The following CNTNAP5 variants were observed in gnomAD, a reference collection of about 807,000 sequenced individuals.
The protein encoded by CNTNAP5 is contactin-associated protein-like 5.
CNTNAP5 carries 72 observed loss-of-function variants against 150.2 expected under a neutral mutation model. That is an observed-to-expected ratio of 0.48 (90% CI 0.40 to 0.58). The LOEUF is 0.58. Ranked by LOEUF, CNTNAP5 falls within the 20% of genes least tolerant of loss-of-function variation. The pLI, the probability that CNTNAP5 is intolerant of heterozygous loss-of-function variation, is 0.00. For missense variants in CNTNAP5, 1,636 were observed against 1,626.2 expected (o/e 1.01, Z -0.10); for synonymous variants, 672 against 619.8 (o/e 1.08, Z -1.25).
At chr2:124,674,556 T>TTTCTTCCC in intron 13 of CNTNAP5, among the ~76,000 whole-genome samples, 1 of 148,360 alleles carries the variant, frequency 6.7e-6, no homozygotes, top group Admixed American at 7.1e-5. Context: ...TCTTTCTTCC[T>TTTCTTCCC]TTCTTCCTTT....
At chr2:124,431,373 G>A (rs1375014213) in intron 4 of CNTNAP5, among the ~76,000 whole-genome samples, 4 of 151,800 alleles carry the variant, frequency 2.6e-5, no homozygotes, top group African/African-American at 7.3e-5. Flanking sequence ...CCTGCATGAG[G>A]GGTCCAGGCA....
intron 3 of CNTNAP5, among the ~76,000 whole-genome samples, chr2:124,261,272 C>G (rs911877845): frequency 6.6e-6 from 1 of 152,132 alleles, no homozygotes; most frequent in Non-Finnish European, 1.5e-5. Context: ...AATATCCTCC[C>G]TACATAAAAC....
intron 8 of CNTNAP5, among the ~76,000 whole-genome samples, chr2:124,519,518 C>A (rs866808671): frequency 5.9e-5 from 9 of 152,172 alleles, no homozygotes; most frequent in African/African-American, 2.2e-4. Context: ...CTCCAGTACC[C>A]ACACTTCCCT....
intron 13 of CNTNAP5, among the ~76,000 whole-genome samples, chr2:124,743,717 G>A (rs1680549176): frequency 6.6e-6 from 1 of 152,214 alleles, no homozygotes; most frequent in African/African-American, 2.4e-5. Context: ...AACAGGCAGA[G>A]TGAATTCTTA....
chr2:124,123,558 G>A (rs1413723069), intron 1 of CNTNAP5, among the ~76,000 whole-genome samples: 1 of 152,116 alleles, frequency 6.6e-6, no homozygotes, highest in Admixed American at 6.6e-5. Context: ...GAGAGTAGTG[G>A]TTCTCCCAAC....
intron 4 of CNTNAP5, among the ~76,000 whole-genome samples, chr2:124,432,401 C>T (rs753972671): frequency 1.8e-4 from 27 of 152,262 alleles, no homozygotes; most frequent in South Asian, 2.1e-4. Context: ...CCTCCTTTCC[C>T]TGGGGTAACT....
At chr2:124,520,904 A>C (rs765085041) in intron 8 of CNTNAP5, among the ~76,000 whole-genome samples, 1 of 152,168 alleles carries the variant, frequency 6.6e-6, no homozygotes, top group Non-Finnish European at 1.5e-5. Context: ...TACCTTTAAG[A>C]GAGTATTTTT....
chr2:124,858,997 G>A (rs1464569208), intron 19 of CNTNAP5, among the ~76,000 whole-genome samples: 1 of 152,048 alleles, frequency 6.6e-6, no homozygotes, highest in African/African-American at 2.4e-5. Context: ...CATAGGCATG[G>A]GCAAGGGCTT....
intron 3 of CNTNAP5, among the ~76,000 whole-genome samples, chr2:124,339,406 T>A (rs1558857787): frequency 6.6e-6 from 1 of 152,032 alleles, no homozygotes; most frequent in Non-Finnish European, 1.5e-5. Flanking sequence ...GTGTTACAAG[T>A]TTGTTGACTA....
chr2:124,579,443 G>GT (rs1175537270), intron 11 of CNTNAP5, among the ~76,000 whole-genome samples: 2 of 152,180 alleles, frequency 1.3e-5, no homozygotes, highest in Non-Finnish European at 2.9e-5. Context: ...ATCACATCAG[G>GT]TATTATAGAG....
intron 13 of CNTNAP5, among the ~76,000 whole-genome samples, chr2:124,658,042 T>C (rs551219494): frequency 6.6e-6 from 1 of 152,336 alleles, no homozygotes; most frequent in African/African-American, 2.4e-5. Context: ...ATTCCCAAAA[T>C]GCTTAGAATA....
chr2:124,786,431 G>GAAAGAAAGAAAGA (rs1558775184), intron 17 of CNTNAP5, among the ~76,000 whole-genome samples: 1 of 113,476 alleles, frequency 8.8e-6, no homozygotes, highest in African/African-American at 4.1e-5. Context: ...AGGAAGGAAG[G>GAAAGAAAGAAAGA]AAGGAAGGAA....
In CNTNAP5 at chr2:124,551,481, G is replaced by A. The variant is rs1410323018; in HGVS notation, c.1650-11736G>A. On this transcript the variant is annotated intron_variant, in intron 10 of 23. Transcript: ENST00000682447. ...ATCTGACCAAAACGAGATCAATGCG[G>A]TTGGCTGCTAATTAAAGCAAACAGA... Among the ~76,000 whole-genome samples the A allele has an allele frequency of 4.6e-5, 7 of 152,160 alleles. No homozygotes were observed. The South Asian group carries it at 8.3e-4, about 18-fold the overall frequency.
intron 12 of CNTNAP5, 53 bp from the exon 13 acceptor site, chr2:124,647,705 A>G (rs1573520699): frequency 4.6e-6 from 7 of 1,508,434 alleles, no homozygotes; most frequent in Non-Finnish European, 6.3e-6. Flanking sequence ...CACATGCTCC[A>G]TTTTTGACAT....
chr2:124,382,055 G>C (rs955085673), intron 3 of CNTNAP5, among the ~76,000 whole-genome samples: 1 of 152,162 alleles, frequency 6.6e-6, no homozygotes, highest in African/African-American at 2.4e-5. Context: ...TGATTTGTGA[G>C]ATGTATTAAG....
rs530206699 is a variant in CNTNAP5, at chr2:124,056,175, T to C, written c.82+30443T>C. On this transcript the variant is annotated intron_variant, in intron 1 of 23. Transcript: ENST00000682447. Reference sequence around the variant, plus strand: ...CCTCTCTTATATACTCTTCCACTTATTGGATACAAGTTCGCTGATTATTTC... The same window carrying C: ...CCTCTCTTATATACTCTTCCACTTACTGGATACAAGTTCGCTGATTATTTC... 1.5e-3 allele frequency among the ~76,000 whole-genome samples: 236 copies of C among 152,322 alleles called. 1 individual carries two copies. The highest frequency in any genetic ancestry group is 4.9e-3 in the African/African-American group (204 of 41,570).
At chr2:124,612,734 G>A (rs949498018) in intron 12 of CNTNAP5, among the ~76,000 whole-genome samples, 1 of 152,058 alleles carries the variant, frequency 6.6e-6, no homozygotes, top group African/African-American at 2.4e-5. Flanking sequence ...CTAACTTTCT[G>A]TTTTTGTTTT....
chr2:124,067,532 A>T (rs1682191653), intron 1 of CNTNAP5, among the ~76,000 whole-genome samples: 1 of 152,182 alleles, frequency 6.6e-6, no homozygotes, highest in Non-Finnish European at 1.5e-5. Flanking sequence ...ACCCTGGATA[A>T]TCTTCCCATC....
Position 124,510,321 on chromosome 2 carries a change from C to CTATATATATATATCTATA in CNTNAP5, c.1327+5768_1327+5769insATATATATATCTATATAT, listed in dbSNP as rs1403460082. Among the ~76,000 whole-genome samples, 68 of 40,066 alleles carry CTATATATATATATCTATA rather than the reference C, an allele frequency of 1.7e-3. 1 individual carries two copies. Among genetic ancestry groups the CTATATATATATATCTATA allele is most frequent in the African/African-American group, 6.5e-3 (63 of 9,708 alleles). The allele number at this position is 40,066 out of a possible 152,430, so 26.3% of individuals were successfully genotyped here. On this transcript the variant is annotated intron_variant, in intron 8 of 23. Transcript: ENST00000682447. Reference sequence around the variant, plus strand: ...TATATCTATATATATATCTATATATCTATCTATATATATATCTCCATATGT... The same window carrying CTATATATATATATCTATA: ...TATATCTATATATATATCTATATATCTATATATATATATCTATATATCTATATATATATCTCCATATGT...
Sources: gnomAD v4.1 joint callset for allele counts (sites outside exome capture counted in the v4.1 genomes callset) on GRCh38, gnomAD v4.1.1 for gene constraint, MANE v1.5 for transcripts, NCBI Gene and HGNC (gene_info 2026-07-23, HGNC 2026-07-21) for gene names.